DIAPH3: variants seen among roughly 807,000 people sequenced by gnomAD.
DIAPH3 encodes the protein diaphanous related formin 3, also known as protein diaphanous homolog 3.
A neutral mutation model predicts 144.3 loss-of-function variants in DIAPH3; 117 were observed. The observed-to-expected ratio is 0.81, with a 90% CI of 0.70 to 0.95. The LOEUF is 0.95. DIAPH3 is among the 40% of genes least tolerant of loss of function. DIAPH3 has a pLI of 0.00. For synonymous variants in DIAPH3, 519 were observed against 488.9 expected (o/e 1.06, Z -0.81); for missense variants, 1,421 against 1,412.7 (o/e 1.01, Z -0.09).
At chr13:59,979,617 T>A (rs1470310246) in intron 14 of DIAPH3, among the ~76,000 whole-genome samples, 1 of 151,672 alleles carries the variant, frequency 6.6e-6, no homozygotes, top group Non-Finnish European at 1.5e-5. Flanking sequence ...TTAAGGCCCC[T>A]TAGGACATTT....
chr13:59,909,295 A>T (rs1435374335), intron 20 of DIAPH3, among the ~76,000 whole-genome samples: 1 of 151,924 alleles, frequency 6.6e-6, no homozygotes, highest in African/African-American at 2.4e-5. Flanking sequence ...GGAGTACAGA[A>T]AATTTCAGAC....
At chr13:59,966,747 G>T (rs1263156036) in intron 17 of DIAPH3, among the ~76,000 whole-genome samples, 1 of 152,274 alleles carries the variant, frequency 6.6e-6, no homozygotes, top group East Asian at 1.9e-4. Flanking sequence ...AAGCACAAAG[G>T]ATTGGCATCT....
At chr13:59,916,364 T>C in intron 18 of DIAPH3, 115 bp from the exon 19 acceptor site, 1 of 801,554 alleles carries the variant, frequency 1.2e-6, no homozygotes, top group East Asian at 2.8e-5. Flanking sequence ...AATTCAAACA[T>C]TTAATATTAT....
Position 59,912,237 on chromosome 13 carries a change from T to A in DIAPH3, c.2266-401A>T, listed in dbSNP as rs927050768. Among the ~76,000 whole-genome samples the A allele has an allele frequency of 2.0e-4, 31 of 152,210 alleles. 1 individual carries two copies. The highest frequency in any genetic ancestry group is 2.9e-5 in the Non-Finnish European group (2 of 67,974). On this transcript the variant is annotated intron_variant, in intron 19 of 27. Transcript: ENST00000400324. ...TATTTTAACACTTCACTCAGGGGGA[T>A]AAAAGAAATCATCATATTGCTACAA...
chr13:60,156,574 C>G (rs533984094), intron 1 of DIAPH3, among the ~76,000 whole-genome samples: 191 of 152,092 alleles, frequency 1.3e-3, no homozygotes, highest in Non-Finnish European at 2.3e-3. Context: ...CTCCAATCTT[C>G]CTTCAGTATA....
intron 5 of DIAPH3, among the ~76,000 whole-genome samples, chr13:60,036,493 T>C (rs904407260): frequency 6.6e-6 from 1 of 151,530 alleles, no homozygotes; most frequent in African/African-American, 2.4e-5. Flanking sequence ...CCATATTGAA[T>C]AACAGGAAAG....
At chr13:59,699,534 T>A (rs1001816825) in intron 27 of DIAPH3, among the ~76,000 whole-genome samples, 1 of 152,200 alleles carries the variant, frequency 6.6e-6, no homozygotes, top group African/African-American at 2.4e-5. Context: ...TGTCCCACCC[T>A]TTTCAGAAAC....
At chr13:59,985,865 G>A (rs1432435937) in intron 12 of DIAPH3, among the ~76,000 whole-genome samples, 2 of 59,744 alleles carry the variant, frequency 3.3e-5, no homozygotes, top group Non-Finnish European at 6.5e-5. Flanking sequence ...TCATGGGTAG[G>A]AAGAATCAAT....
At chr13:59,747,291 T>C (rs2139089135) in intron 27 of DIAPH3, among the ~76,000 whole-genome samples, 1 of 152,338 alleles carries the variant, frequency 6.6e-6, no homozygotes, top group African/African-American at 2.4e-5. Context: ...GACTTGACTC[T>C]GGCATAAATC....
At chr13:60,008,070 A>T (rs988663150) in intron 9 of DIAPH3, among the ~76,000 whole-genome samples, 1 of 152,172 alleles carries the variant, frequency 6.6e-6, no homozygotes, top group Non-Finnish European at 1.5e-5. Flanking sequence ...ATAAATTATG[A>T]CACAGTACAA....
At chr13:59,751,501 A>G (rs889490054) in intron 27 of DIAPH3, among the ~76,000 whole-genome samples, 1 of 152,180 alleles carries the variant, frequency 6.6e-6, no homozygotes, top group Non-Finnish European at 1.5e-5. Flanking sequence ...CTTTACTTTC[A>G]TTGCTACGAG....
intron 2 of DIAPH3, among the ~76,000 whole-genome samples, chr13:60,114,992 C>T (rs980591372): frequency 2.0e-5 from 3 of 151,850 alleles, no homozygotes; most frequent in African/African-American, 7.3e-5. Flanking sequence ...GAAACCTTAC[C>T]AATAACATAA....
chr13:59,808,019 A>T (rs1381470878), intron 25 of DIAPH3, among the ~76,000 whole-genome samples: 4 of 151,892 alleles, frequency 2.6e-5, no homozygotes, highest in Non-Finnish European at 4.4e-5. Context: ...ATATATGATT[A>T]AGGGAAGATT....
At chr13:60,104,753 C>T (rs1474678465) in intron 3 of DIAPH3, among the ~76,000 whole-genome samples, 1 of 152,128 alleles carries the variant, frequency 6.6e-6, no homozygotes, top group African/African-American at 2.4e-5. Flanking sequence ...TGCATAAGCA[C>T]CTACAATCAC....
At chr13:60,011,077 C>T (rs2053225432) in intron 7 of DIAPH3, among the ~76,000 whole-genome samples, 3 of 151,786 alleles carry the variant, frequency 2.0e-5, no homozygotes, top group Non-Finnish European at 4.4e-5. Flanking sequence ...TGCACTCCAG[C>T]CTGGGCAACA....
At chr13:59,730,776 A>G (rs2035857223) in intron 27 of DIAPH3, among the ~76,000 whole-genome samples, 1 of 152,218 alleles carries the variant, frequency 6.6e-6, no homozygotes, top group Non-Finnish European at 1.5e-5. Flanking sequence ...TCTATAAAGC[A>G]GAGACAGTAT....
chr13:60,049,512 C>T (rs1037724242), intron 4 of DIAPH3, among the ~76,000 whole-genome samples: 8 of 152,190 alleles, frequency 5.3e-5, no homozygotes, highest in African/African-American at 1.9e-4. Context: ...CTACTACAAC[C>T]CTTACCCAGG....
rs116993852 is a variant in DIAPH3 at position 59,911,493 on chromosome 13, A to C, written c.2367+242T>G. ...CTTTACATTTTAACATTAAATAGAGAGCAAAAAAATTATACATACAATTTT... is the reference window on the plus strand; with the variant it reads ...CTTTACATTTTAACATTAAATAGAGCGCAAAAAAATTATACATACAATTTT... On this transcript the variant is annotated intron_variant, in intron 20 of 27. Coordinates refer to ENST00000400324, the MANE Select transcript of DIAPH3 (RefSeq NM_001042517.2). Among the ~76,000 whole-genome samples, 1,447 of 152,324 alleles carry C rather than the reference A, an allele frequency of 9.5e-3. 11 individuals carry two copies. The highest frequency in any genetic ancestry group is 0.016 in the Non-Finnish European group (1,058 of 68,004).
At chr13:60,032,150 G>A (rs993025299) in intron 5 of DIAPH3, among the ~76,000 whole-genome samples, 8 of 152,158 alleles carry the variant, frequency 5.3e-5, no homozygotes, top group Non-Finnish European at 1.2e-4. Context: ...GCTTTGCAGC[G>A]TGCACCACCC....
Sources: gnomAD v4.1 joint callset for allele counts (sites outside exome capture counted in the v4.1 genomes callset) on GRCh38, gnomAD v4.1.1 for gene constraint, MANE v1.5 for transcripts, NCBI Gene and HGNC (gene_info 2026-07-23, HGNC 2026-07-21) for gene names.